DROSHA: variants seen among roughly 807,000 people sequenced by gnomAD.
DROSHA encodes ribonuclease 3.
Under a neutral mutation model 181.9 loss-of-function variants are expected in DROSHA, and 56 were observed. The ratio of observed to expected loss-of-function variants is 0.31; its 90% CI spans 0.25 to 0.38. The LOEUF is 0.38. Ranked by LOEUF, DROSHA falls within the 10% of genes least tolerant of loss-of-function variation. The pLI, the probability that DROSHA is intolerant of heterozygous loss-of-function variation, is 1.00. For synonymous variants in DROSHA, 524 were observed against 591.2 expected, an observed-to-expected ratio of 0.89 and a Z score of 1.65; for missense variants, 1,218 against 1,743.5, an observed-to-expected ratio of 0.70 and a Z score of 5.37.
chr5:31,528,715 A>G (rs1740877819), intron 4 of DROSHA, among the ~76,000 whole-genome samples: 1 of 152,066 alleles, frequency 6.6e-6, no homozygotes, highest in South Asian at 2.1e-4. Context: ...CCTTGCTCTC[A>G]CAACACTCTG....
chr5:31,521,548 A>G (rs1324656164), intron 5 of DROSHA, among the ~76,000 whole-genome samples: 1 of 152,214 alleles, frequency 6.6e-6, no homozygotes, highest in Non-Finnish European at 1.5e-5. Flanking sequence ...GGAAAACTCT[A>G]AAGAACTCCA....
chr5:31,406,504 A>T (rs1740673431), intron 34 of DROSHA, among the ~76,000 whole-genome samples: 1 of 151,510 alleles, frequency 6.6e-6, no homozygotes, highest in Non-Finnish European at 1.5e-5. Context: ...AAAAAAAATA[A>T]ATAAAAGTCT....
Position 31,530,850 on chromosome 5 carries a change from A to G in DROSHA, c.-99T>C, listed in dbSNP as rs1311554118. 1 of 398,598 alleles carries G rather than the reference A, an allele frequency of 2.5e-6. No homozygotes were observed. The highest frequency in any genetic ancestry group is 4.4e-6 in the Non-Finnish European group (1 of 226,070). The allele number at this position is 398,598 out of a possible 1,614,324, so 24.7% of individuals were successfully genotyped here. A position where few individuals can be genotyped will look rare whatever the true frequency, so the allele number is the denominator to read the frequency against. On this transcript the variant is annotated 5_prime_UTR_variant, in exon 3 of 36. Transcript: ENST00000344624. ...TATGCACACGTCTAACTCTTCCACTAGATTATCAGCTCCTTGATGATATGG... is the reference window on the plus strand; with the variant it reads ...TATGCACACGTCTAACTCTTCCACTGGATTATCAGCTCCTTGATGATATGG...
At chr5:31,430,793 C>A (rs1243237773) in intron 26 of DROSHA, among the ~76,000 whole-genome samples, 1 of 152,176 alleles carries the variant, frequency 6.6e-6, no homozygotes, top group African/African-American at 2.4e-5. Flanking sequence ...CCACTATCAT[C>A]AGCATGAAAC....
chr5:31,469,226 G>A (rs982600156), intron 17 of DROSHA, among the ~76,000 whole-genome samples: 3 of 152,034 alleles, frequency 2.0e-5, no homozygotes, highest in African/African-American at 7.2e-5. Flanking sequence ...GCGTGGTGGC[G>A]CACACCTGTA....
chr5:31,510,784 A>G (rs1176711739), intron 9 of DROSHA, among the ~76,000 whole-genome samples: 2 of 152,034 alleles, frequency 1.3e-5, no homozygotes, highest in African/African-American at 4.8e-5. Context: ...TGACTGGACA[A>G]CTCTCCAAGG....
chr5:31,510,810 A>C (rs185873642), intron 9 of DROSHA, among the ~76,000 whole-genome samples: 1 of 152,260 alleles, frequency 6.6e-6, no homozygotes, highest in Non-Finnish European at 1.5e-5. Flanking sequence ...CCTTGTTAGC[A>C]TGCCTTGCAA....
In DROSHA at chr5:31,508,729, A is replaced by G; in HGVS notation, c.1479T>C (p.Cys493=). Residue 493 remains cysteine (C), a synonymous_variant, in exon 10 of 36, where the codon TGT becomes TGC. Coordinates refer to ENST00000344624, the MANE Select transcript of DROSHA (RefSeq NM_001382508.1). ...AAACTTCAGAGTCTGAGCTGCTAGA[A>G]CAGGTGCTGTCCTCATCAGACTCAC... ...SECESDEDST[C]SSSSDSEVFD... 6.2e-7 allele frequency: 1 copy of G among 1,613,942 alleles called. No homozygotes were observed. The highest frequency in any genetic ancestry group is 8.5e-7 in the Non-Finnish European group (1 of 1,179,864).
In DROSHA at chr5:31,511,160, A is replaced by G; in HGVS notation, c.1307T>C (p.Val436Ala). ...TAAGTCACGAAGCCTACTCGTTCCAACCACTGTAGAATCTCCCTTTTAAAA... is the reference window on the plus strand; with the variant it reads ...TAAGTCACGAAGCCTACTCGTTCCAGCCACTGTAGAATCTCCCTTTTAAAA... ...PMDQVGDSTV[V>A]GTSRLRDLYD... The change falls in exon 9 of 36, where the codon GTT becomes GCT. Residue 436 changes from valine to alanine, a missense_variant. By Grantham distance (64) the Val-to-Ala change is moderately conservative. Coordinates refer to ENST00000344624, the MANE Select transcript of DROSHA (RefSeq NM_001382508.1). 6.2e-7 allele frequency: 1 copy of G among 1,613,812 alleles called. No individual in the cohort carries two copies. The highest frequency in any genetic ancestry group is 8.5e-7 in the Non-Finnish European group (1 of 1,179,800).
chr5:31,486,709 T>C, intron 13 of DROSHA, 147 bp from the exon 14 acceptor site: 1 of 610,648 alleles, frequency 1.6e-6, no homozygotes, highest in East Asian at 3.0e-5. Flanking sequence ...CACATGAAGC[T>C]TGACCACAAC....
At chr5:31,481,484 C>A (rs1296763822) in intron 16 of DROSHA, among the ~76,000 whole-genome samples, 2 of 152,162 alleles carry the variant, frequency 1.3e-5, no homozygotes, top group Non-Finnish European at 2.9e-5. Flanking sequence ...AAGGAAAAGG[C>A]TTTTCAGCAA....
At chr5:31,442,603 G>A (rs752647438) in intron 23 of DROSHA, among the ~76,000 whole-genome samples, 32 of 152,100 alleles carry the variant, frequency 2.1e-4, no homozygotes, top group South Asian at 1.0e-3. Context: ...AAACACAACC[G>A]TCTCCCTGTA....
intron 29 of DROSHA, among the ~76,000 whole-genome samples, chr5:31,422,404 A>G (rs111414191): frequency 3.8e-4 from 58 of 152,330 alleles, no homozygotes; most frequent in African/African-American, 1.4e-3. Context: ...TTTTACTGGA[A>G]CACAGCCATG....
At chr5:31,480,205 C>A (rs1169143985) in intron 16 of DROSHA, among the ~76,000 whole-genome samples, 9 of 42,354 alleles carry the variant, frequency 2.1e-4, no homozygotes, top group South Asian at 1.8e-3. Context: ...TATATATATA[C>A]TGAAAATACT....
chr5:31,486,614 A>G, intron 13 of DROSHA, 52 bp from the exon 14 acceptor site: 1 of 1,541,848 alleles, frequency 6.5e-7, no homozygotes, highest in Non-Finnish European at 8.9e-7. Flanking sequence ...CTGCAGGCTC[A>G]TATTATACAC....
chr5:31,401,346 T>C lies in DROSHA; in HGVS notation c.*86A>G, dbSNP rs1739974717. On this transcript the variant is annotated 3_prime_UTR_variant, in exon 36 of 36. Coordinates refer to ENST00000344624, the MANE Select transcript of DROSHA (RefSeq NM_001382508.1). ...ATTTCAATGAGCACACTTCATTCAT[T>C]GTCTGCAGGAAAACTAGGCTAGGTC... 6.5e-7 allele frequency: 1 copy of C among 1,548,916 alleles called. No homozygotes were observed. The highest frequency in any genetic ancestry group is 1.1e-5 in the South Asian group (1 of 89,632).
intron 15 of DROSHA, among the ~76,000 whole-genome samples, chr5:31,484,061 C>G (rs2150036627): frequency 6.6e-6 from 1 of 152,182 alleles, no homozygotes; most frequent in Non-Finnish European, 1.5e-5. Flanking sequence ...AAATAAGTAA[C>G]TGTTTGCTAG....
chr5:31,489,907 TCGCTC>T lies in DROSHA; in HGVS notation c.1842+3295_1842+3299del, dbSNP rs1752198307. Among the ~76,000 whole-genome samples, 4 of 11,514 alleles carry T rather than the reference TCGCTC, an allele frequency of 3.5e-4. No individual in the cohort carries two copies. The Non-Finnish European group carries it at 5.6e-3, about 16-fold the overall frequency. 7.6% of individuals were successfully genotyped at this position (11,514 alleles called of 152,430 possible). On this transcript the variant is annotated intron_variant, in intron 13 of 35. Transcript: ENST00000344624. Reference sequence around the variant, plus strand: ...CTTTTTCTTTTTTTGACGCGGAGTTTCGCTCTTGTCGCCCAGGCTGGAGTGCGGTG... The same window carrying T: ...CTTTTTCTTTTTTTGACGCGGAGTTTTTGTCGCCCAGGCTGGAGTGCGGTG...
intron 25 of DROSHA, among the ~76,000 whole-genome samples, chr5:31,433,173 T>C (rs1280258708): frequency 2.0e-5 from 3 of 152,204 alleles, no homozygotes; most frequent in Non-Finnish European, 4.4e-5. Flanking sequence ...TTATTCATAT[T>C]GGAAAAACAC....
Sources: gnomAD v4.1 joint callset for allele counts (sites outside exome capture counted in the v4.1 genomes callset) on GRCh38, gnomAD v4.1.1 for gene constraint, MANE v1.5 for transcripts, NCBI Gene and HGNC (gene_info 2026-07-23, HGNC 2026-07-21) for gene names.